The following PDE11A variants were observed in gnomAD, a reference collection of about 807,000 sequenced individuals.
PDE11A encodes the protein phosphodiesterase 11A.
Under a neutral mutation model 100.5 loss-of-function variants are expected in PDE11A, and 100 were observed. That is an observed-to-expected ratio of 1.00 (90% CI 0.85 to 1.18). The LOEUF (loss-of-function observed/expected upper bound fraction) is 1.18. Ranked by LOEUF, PDE11A falls within the 50% of genes most tolerant of loss-of-function variation. The pLI, the probability that PDE11A is intolerant of heterozygous loss-of-function variation, is 0.00. For missense variants in PDE11A, 1,141 were observed against 1,152.6 expected (o/e 0.99, Z 0.15); for synonymous variants, 381 against 420.8 (o/e 0.91, Z 1.16).
In PDE11A at chr2:177,629,074, G is replaced by A; in HGVS notation, c.*333C>T. On this transcript the variant is annotated 3_prime_UTR_variant, in exon 20 of 20. Coordinates refer to ENST00000286063, the MANE Select transcript of PDE11A (RefSeq NM_016953.4). Reference sequence around the variant, plus strand: ...GCGCTAATGACGCTTTTACTGTTCAGTGTTCCCTCAGCTCAGAGTAAGTAG... The same window carrying A: ...GCGCTAATGACGCTTTTACTGTTCAATGTTCCCTCAGCTCAGAGTAAGTAG... 2 of 385,006 alleles carry A rather than the reference G, an allele frequency of 5.2e-6. No homozygotes were observed. The highest frequency in any genetic ancestry group is 2.4e-5 in the South Asian group (1 of 41,574). 23.8% of individuals were successfully genotyped at this position (385,006 alleles called of 1,614,324 possible). A position where few individuals can be genotyped will look rare whatever the true frequency, so the allele number is the denominator to read the frequency against.
chr2:177,917,910 T>C (rs751507377), intron 2 of PDE11A, among the ~76,000 whole-genome samples: 3 of 152,220 alleles, frequency 2.0e-5, no homozygotes, highest in Non-Finnish European at 4.4e-5. Flanking sequence ...CAGAGAAGGC[T>C]ATGAAAATAT....
chr2:177,992,633 G>A (rs2105811104), intron 2 of PDE11A, among the ~76,000 whole-genome samples: 1 of 152,244 alleles, frequency 6.6e-6, no homozygotes, highest in African/African-American at 2.4e-5. Flanking sequence ...TTTGGCCAGA[G>A]ATCAATGGTC....
intron 3 of PDE11A, among the ~76,000 whole-genome samples, chr2:177,904,556 CTTT>C (rs11333208): frequency 7.5e-5 from 10 of 133,080 alleles, no homozygotes; most frequent in Non-Finnish European, 8.0e-5. Flanking sequence ...TATTAATCTC[CTTT>C]TTTTTTTTTT....
At chr2:177,982,632 C>T (rs964294399) in intron 2 of PDE11A, among the ~76,000 whole-genome samples, 3 of 150,482 alleles carry the variant, frequency 2.0e-5, no homozygotes, top group African/African-American at 7.3e-5. Context: ...GAAGAAGAAT[C>T]AAAATGAGGA....
rs948484732 is a variant in PDE11A at position 177,671,487 on chromosome 2, T to C, written c.2488-1920A>G. On this transcript the variant is annotated intron_variant, in intron 17 of 19. Coordinates refer to ENST00000286063, the MANE Select transcript of PDE11A (RefSeq NM_016953.4). ...CAGAAAACATTCTGAAAGGGAATTTTAAAAAATCAACATCCAGGAAGTTAG... is the reference window on the plus strand; with the variant it reads ...CAGAAAACATTCTGAAAGGGAATTTCAAAAAATCAACATCCAGGAAGTTAG... Among the ~76,000 whole-genome samples, 7 of 152,018 alleles carry C rather than the reference T, an allele frequency of 4.6e-5. No homozygotes were observed. In the South Asian group the frequency reaches 1.5e-3, roughly 32 times the overall value.
chr2:177,999,114 G>A (rs559459717), intron 2 of PDE11A, among the ~76,000 whole-genome samples: 6 of 152,122 alleles, frequency 3.9e-5, no homozygotes, highest in East Asian at 3.8e-4. Context: ...GTGTTAAGCC[G>A]AGACTTAAAA....
chr2:177,886,841 T>G (rs2084440959), intron 4 of PDE11A, among the ~76,000 whole-genome samples: 1 of 151,776 alleles, frequency 6.6e-6, no homozygotes, highest in South Asian at 2.1e-4. Context: ...ATTTAGAGAT[T>G]GAAAGGAAGA....
chr2:177,673,478 T>C (rs1355011467), intron 17 of PDE11A, among the ~76,000 whole-genome samples: 1 of 152,208 alleles, frequency 6.6e-6, no homozygotes, highest in Non-Finnish European at 1.5e-5. Context: ...CCACTCCACA[T>C]TGCTATGAAT....
At chr2:177,904,753 C>T (rs1390344977) in intron 3 of PDE11A, among the ~76,000 whole-genome samples, 1 of 152,066 alleles carries the variant, frequency 6.6e-6, no homozygotes, top group East Asian at 1.9e-4. Flanking sequence ...AAGGTTTCAC[C>T]ATGTTGGCCA....
intron 2 of PDE11A, among the ~76,000 whole-genome samples, chr2:177,923,075 TATGCTTTTATAGCTCTA>T (rs1051637776): frequency 1.4e-4 from 21 of 152,326 alleles, no homozygotes; most frequent in African/African-American, 3.6e-4. Flanking sequence ...TGGCACTTTA[TATGCTTTTATAGCTCTA>T]ATGCTTTTAT....
intron 2 of PDE11A, chr2:177,997,624 C>A (rs2086092681): frequency 1.6e-6 from 2 of 1,243,052 alleles, no homozygotes; most frequent in Non-Finnish European, 2.4e-6. Flanking sequence ...AACTTGCAGG[C>A]CTCGTGCAAA....
chr2:177,850,619 T>C (rs1180681245), intron 5 of PDE11A, among the ~76,000 whole-genome samples: 1 of 151,592 alleles, frequency 6.6e-6, no homozygotes, highest in Non-Finnish European at 1.5e-5. Context: ...TGGGAGAAAA[T>C]TTTTACAATC....
intron 2 of PDE11A, among the ~76,000 whole-genome samples, chr2:177,910,868 T>A (rs545790191): frequency 6.6e-6 from 1 of 152,174 alleles, no homozygotes; most frequent in East Asian, 1.9e-4. Flanking sequence ...TAAAGCCCCA[T>A]TGTGTGGTCT....
At chr2:178,026,052 A>C (rs2086474159) in intron 1 of PDE11A, among the ~76,000 whole-genome samples, 1 of 152,200 alleles carries the variant, frequency 6.6e-6, no homozygotes, top group African/African-American at 2.4e-5. Context: ...TCCAGGTCAG[A>C]AGAACAGATC....
intron 1 of PDE11A, among the ~76,000 whole-genome samples, chr2:178,105,333 G>A (rs913065766): frequency 2.0e-5 from 3 of 152,030 alleles, no homozygotes; most frequent in Middle Eastern, 3.2e-3. Flanking sequence ...GGTGGCGGAC[G>A]CCTGTAATCC....
chr2:177,899,672 CTT>C (rs1434908129), intron 3 of PDE11A: 7 of 196,878 alleles, frequency 3.6e-5, no homozygotes, highest in African/African-American at 7.4e-5. Flanking sequence ...TACATTTAGT[CTT>C]TGCTAAATAT....
At chr2:177,729,936 T>G (rs2081656993) in intron 10 of PDE11A, among the ~76,000 whole-genome samples, 1 of 152,134 alleles carries the variant, frequency 6.6e-6, no homozygotes, top group African/African-American at 2.4e-5. Flanking sequence ...GTAAATTATT[T>G]TAAAGGCTTA....
At chr2:177,852,634 G>T (rs2083734333) in intron 5 of PDE11A, among the ~76,000 whole-genome samples, 1 of 152,162 alleles carries the variant, frequency 6.6e-6, no homozygotes, top group African/African-American at 2.4e-5. Context: ...CAGCAGGAAA[G>T]TCTCGAACAC....
chr2:177,829,021 G>C (rs1374123195), intron 6 of PDE11A, among the ~76,000 whole-genome samples: 1 of 142,610 alleles, frequency 7.0e-6, no homozygotes. Flanking sequence ...GGTGGTAGCA[G>C]CTGAGTGGTA....
Sources: gnomAD v4.1 joint callset for allele counts (sites outside exome capture counted in the v4.1 genomes callset) on GRCh38, gnomAD v4.1.1 for gene constraint, MANE v1.5 for transcripts, NCBI Gene and HGNC (gene_info 2026-07-23, HGNC 2026-07-21) for gene names.